Variants in MYH10 observed in about 807,000 individuals in gnomAD.
MYH10 encodes the protein myosin heavy chain 10, also known as myosin-10.
MYH10 carries 55 observed loss-of-function variants against 257.8 expected under a neutral mutation model. That is an observed-to-expected ratio of 0.21 (90% CI 0.17 to 0.27). The LOEUF is 0.27. Among genes scored for constraint, MYH10 ranks in the 10% least tolerant of loss-of-function variants. The pLI is 1.00. For missense variants in MYH10, 1,631 were observed against 2,500.6 expected, an observed-to-expected ratio of 0.65 and a Z score of 7.42; for synonymous variants, 854 against 921.7, an observed-to-expected ratio of 0.93 and a Z score of 1.33.
intron 4 of MYH10, among the ~76,000 whole-genome samples, chr17:8,578,872 C>A (rs995993116): frequency 1.3e-5 from 2 of 152,084 alleles, no homozygotes; most frequent in Non-Finnish European, 2.9e-5. Flanking sequence ...AAAAACACCC[C>A]AAACTCAAAA....
At position 8,622,923 on chromosome 17, in the gene MYH10, G is replaced by A. The variant is rs746167053; in HGVS notation, c.324C>T (p.Arg108=). The change falls in exon 2 of 43, where the codon CGC becomes CGT. Residue 108 remains arginine (R), a synonymous_variant. Transcript: ENST00000360416. ...EASVLHNLKD[R]YYSGLIYTYS... The stretch of plus-strand genomic sequence containing the variant: ...TTACATAGATTAGTCCTGAATAGTA[G>A]CGATCCTTCAGATTATGTAAAACGG... 3 of 1,613,986 alleles carry A rather than the reference G, an allele frequency of 1.9e-6. No homozygotes were observed. Among genetic ancestry groups the A allele is most frequent in the East Asian group, 4.5e-5 (2 of 44,882 alleles).
At chr17:8,610,203 C>T (rs1477752495) in intron 2 of MYH10, among the ~76,000 whole-genome samples, 3 of 140,020 alleles carry the variant, frequency 2.1e-5, no homozygotes, top group East Asian at 2.2e-4. Context: ...AATCTGAATC[C>T]GTTTAAGCCT....
At position 8,565,846 on chromosome 17, in the gene MYH10, G is replaced by C. The variant is rs139386475; in HGVS notation, c.756+3874C>G. 7.9e-5 allele frequency among the ~76,000 whole-genome samples: 12 copies of C among 152,308 alleles called. 1 individual carries two copies. In the East Asian group the frequency reaches 2.3e-3, roughly 29 times the overall value. ...TGTAAAATAGGTTTCTATCAGACTT[G>C]ATTGTCAACCTTTGGAATAGGATGT... is the stretch of plus-strand genomic sequence containing the variant. On this transcript the variant is annotated intron_variant, in intron 7 of 42. Coordinates refer to ENST00000360416, the MANE Select transcript of MYH10 (RefSeq NM_001256012.3).
chr17:8,545,841 C>A lies in MYH10; in HGVS notation c.1279-241G>T, dbSNP rs973045044. ...TAATAAAAATAAGCTCCTCCCCATG[C>A]GCCTGGGTCCTGGGTAGCACTGTCC... On this transcript the variant is annotated intron_variant, in intron 12 of 42. Coordinates refer to ENST00000360416, the MANE Select transcript of MYH10 (RefSeq NM_001256012.3). This position sits in a 1 kb window ranked among gnomAD's most constrained non-coding sequence, Gnocchi z 4.7. Among the ~76,000 whole-genome samples, 1 of 152,042 alleles carries A rather than the reference C, an allele frequency of 6.6e-6. No homozygotes were observed. Among genetic ancestry groups the A allele is most frequent in the African/African-American group, 2.4e-5 (1 of 41,380 alleles).
chr17:8,574,329 G>A (rs966654214), intron 6 of MYH10, among the ~76,000 whole-genome samples: 2 of 152,188 alleles, frequency 1.3e-5, no homozygotes, highest in Non-Finnish European at 2.9e-5. Context: ...TCTAGAATAC[G>A]CAAATACATA....
At chr17:8,567,232 T>G (rs996864868) in intron 7 of MYH10, among the ~76,000 whole-genome samples, 1 of 152,164 alleles carries the variant, frequency 6.6e-6, no homozygotes, top group Non-Finnish European at 1.5e-5. Context: ...GAATGCAGTT[T>G]CCTCAGATCG....
At chr17:8,511,627 G>A (rs2081300216) in intron 24 of MYH10, among the ~76,000 whole-genome samples, 1 of 152,134 alleles carries the variant, frequency 6.6e-6, no homozygotes, top group African/African-American at 2.4e-5. Flanking sequence ...GAGTAACTTC[G>A]GCTAAATAAT....
rs2081377843 is a variant in MYH10 at position 8,513,906 on chromosome 17, T to C, written c.2505-12A>G. 2.5e-6 allele frequency: 4 copies of C among 1,608,396 alleles called. No individual in the cohort carries two copies. Among genetic ancestry groups the C allele is most frequent in the African/African-American group, 1.3e-5 (1 of 74,644 alleles). On this transcript the variant is annotated splice_polypyrimidine_tract_variant and intron_variant, in intron 21 of 42. Coordinates refer to ENST00000360416, the MANE Select transcript of MYH10 (RefSeq NM_001256012.3). ...TCTTGGCAAAGGCCCTGAAGAACAA[T>C]AAGAAAAACTTATGATGTAAAGAAA... is the stretch of plus-strand genomic sequence containing the variant.
In MYH10 at chr17:8,513,688, GTTTTT is replaced by G; in HGVS notation, c.2614-24_2614-20del. The G allele has an allele frequency of 6.6e-7, 1 of 1,519,392 alleles. No homozygotes were observed. The highest frequency in any genetic ancestry group is 9.0e-7 in the Non-Finnish European group (1 of 1,116,940). The allele number at this position is 1,519,392 out of a possible 1,614,324, so 94.1% of individuals were successfully genotyped here. ...GCTTCACCTATGACAAAATTAAGCA[GTTTTT>G]TTTTTTTTATCATTCCAGCTCTTTC... On this transcript the variant is annotated intron_variant, in intron 22 of 42. Coordinates refer to ENST00000360416, the MANE Select transcript of MYH10 (RefSeq NM_001256012.3).
chr17:8,507,138 AG>A (rs2081098413), intron 26 of MYH10, among the ~76,000 whole-genome samples: 1 of 152,266 alleles, frequency 6.6e-6, no homozygotes, highest in South Asian at 2.1e-4. Context: ...CTGATCAAAC[AG>A]GTGAGTAAAA....
Position 8,535,834 on chromosome 17 carries a change from C to A in MYH10, c.1703G>T (p.Gly568Val). The change falls in exon 15 of 43, where the codon GGT (glycine) becomes GTT (valine). Residue 568 changes from glycine (G) to valine (V), a missense_variant. Around this residue, in one of 11 missense-constraint regions of MYH10, gnomAD observed 63 missense variants for 167.9 expected, o/e 0.38. Transcript: ENST00000360416. The surrounding 1 kb of genome is among the most constrained non-coding windows in gnomAD (Gnocchi z 4.3). ...AGGTTTCTGAAACTTGGAGTGGGAA[C>A]CTTGCTCTTGAACCAGTTTTTCAAC... ...TFVEKLVQEQ[G>V]SHSKFQKPRQ... is the part of the protein sequence containing the mutation. 6.2e-7 allele frequency: 1 copy of A among 1,614,072 alleles called. No individual in the cohort carries two copies. Among genetic ancestry groups the A allele is most frequent in the South Asian group, 1.1e-5 (1 of 91,068 alleles).
rs1336387130 is a variant in MYH10, at chr17:8,511,071, T to TATATAC, written c.2953-1123_2953-1122insGTATAT. The stretch of plus-strand genomic sequence containing the variant: ...ATATATATATATATACACACATACA[T>TATATAC]ACATACACACACACACACTTAATAT... On this transcript the variant is annotated intron_variant, in intron 24 of 42. Coordinates refer to ENST00000360416, the MANE Select transcript of MYH10 (RefSeq NM_001256012.3). 2.5e-3 allele frequency: 203 copies of TATATAC among 82,110 alleles called. 1 individual carries two copies. The highest frequency in any genetic ancestry group is 7.5e-3 in the East Asian group (14 of 1,862). 5.1% of individuals were successfully genotyped at this position (82,110 alleles called of 1,614,324 possible). A position where few individuals can be genotyped will look rare whatever the true frequency, so the allele number is the denominator to read the frequency against.
intron 1 of MYH10, chr17:8,623,553 C>T (rs752462542): frequency 1.1e-5 from 2 of 180,622 alleles, no homozygotes; most frequent in Non-Finnish European, 2.3e-5. Flanking sequence ...ACAAGTTGAC[C>T]CTTTTTTTTC....
chr17:8,590,857 G>A, intron 3 of MYH10, among the ~76,000 whole-genome samples: 1 of 142,154 alleles, frequency 7.0e-6, no homozygotes, highest in African/African-American at 2.6e-5. Context: ...CTCTCCCTCA[G>A]GTTTCTCAAT....
intron 36 of MYH10, 150 bp downstream of exon 36, chr17:8,487,283 A>G (rs1914987201): frequency 2.4e-6 from 2 of 841,980 alleles, no homozygotes; most frequent in Admixed American, 2.2e-5. Flanking sequence ...GACACAGCGG[A>G]CACACAAGCA....
At chr17:8,495,940 ACCT>A (rs1567796849) in intron 30 of MYH10, among the ~76,000 whole-genome samples, 1 of 151,824 alleles carries the variant, frequency 6.6e-6, no homozygotes, top group Non-Finnish European at 1.5e-5. Flanking sequence ...CGAACTCCTG[ACCT>A]CCTGATCTGC....
chr17:8,627,798 T>G (rs1781226955), intron 1 of MYH10, among the ~76,000 whole-genome samples: 1 of 152,240 alleles, frequency 6.6e-6, no homozygotes, highest in South Asian at 2.1e-4. Flanking sequence ...GGCACTATTC[T>G]AAGCAGTTTA....
At chr17:8,489,708 A>ACACACACACACACAC (rs1555570829) in intron 35 of MYH10, among the ~76,000 whole-genome samples, 8,968 of 92,814 alleles carry the variant, frequency 0.097, 668 homozygotes, top group South Asian at 0.1. Flanking sequence ...CGTCTGAAAA[A>ACACACACACACACAC]ACACACACAC....
chr17:8,551,160 TTA>T (rs752113910), intron 9 of MYH10, among the ~76,000 whole-genome samples: 9,326 of 99,504 alleles, frequency 0.094, 338 homozygotes, highest in Middle Eastern at 0.18. Flanking sequence ...AATAATAAAT[TTA>T]AAAAAAAAAA....
Sources: gnomAD v4.1 joint callset for allele counts (sites outside exome capture counted in the v4.1 genomes callset) on GRCh38, gnomAD v4.1.1 for gene constraint, gnomAD v4.1.1 regional missense constraint, Gnocchi (gnomAD v3.1) non-coding constraint, MANE v1.5 for transcripts, NCBI Gene and HGNC (gene_info 2026-07-23, HGNC 2026-07-21) for gene names.